The following DHRSX variants were observed in gnomAD, a reference collection of about 807,000 sequenced individuals.
The protein encoded by DHRSX is dehydrogenase/reductase X-linked.
A neutral mutation model predicts 34.0 loss-of-function variants in DHRSX; 31 were observed. The observed-to-expected ratio is 0.91, with a 90% CI of 0.69 to 1.23. The LOEUF is 1.23. Ranked by LOEUF, DHRSX falls within the 50% of genes most tolerant of loss-of-function variation. The probability of loss-of-function intolerance (pLI) is 0.00; values close to 1 mark genes in which losing one functional copy is unlikely to be tolerated. For missense variants in DHRSX, 414 were observed against 428.1 expected (o/e 0.97, Z 0.29); for synonymous variants, 201 against 183.8 (o/e 1.09, Z -0.76).
At chrX:2,335,127 G>T (rs891564960) in intron 3 of DHRSX, among the ~76,000 whole-genome samples, 1 of 151,056 alleles carries the variant, frequency 6.6e-6, no homozygotes, top group Non-Finnish European at 1.5e-5. Flanking sequence ...GGAGGTTGCA[G>T]TGAGCCGAGA....
intron 3 of DHRSX, among the ~76,000 whole-genome samples, chrX:2,397,795 C>G (rs1377104131): frequency 6.6e-6 from 1 of 152,164 alleles, no homozygotes; most frequent in African/African-American, 2.4e-5. Context: ...TGAAGTAGCG[C>G]ATTTGCAAAG....
At chrX:2,401,727 G>C (rs1319327824) in intron 3 of DHRSX, among the ~76,000 whole-genome samples, 1 of 152,042 alleles carries the variant, frequency 6.6e-6, no homozygotes, top group African/African-American at 2.4e-5. Context: ...GAGGAGTTTC[G>C]GTAAGTGAAT....
At chrX:2,442,766 C>T (rs1304407979) in intron 1 of DHRSX, among the ~76,000 whole-genome samples, 1 of 152,100 alleles carries the variant, frequency 6.6e-6, no homozygotes, top group Non-Finnish European at 1.5e-5. Context: ...TGTTAACTGC[C>T]ACGTAGAAGC....
At chrX:2,455,973 A>C (rs1320970011) in intron 1 of DHRSX, among the ~76,000 whole-genome samples, 1 of 152,062 alleles carries the variant, frequency 6.6e-6, no homozygotes, top group East Asian at 1.9e-4. Context: ...CCCGAGACTT[A>C]ATAAGACACC....
At chrX:2,274,932 G>C (rs1047136370) in intron 4 of DHRSX, among the ~76,000 whole-genome samples, 3 of 152,126 alleles carry the variant, frequency 2.0e-5, no homozygotes, top group African/African-American at 7.2e-5. Context: ...ATTGGTGCCA[G>C]GTAGAGAGAT....
chrX:2,376,602 A>G (rs1444635889), intron 3 of DHRSX, among the ~76,000 whole-genome samples: 1 of 137,706 alleles, frequency 7.3e-6, no homozygotes, highest in Non-Finnish European at 1.7e-5. Context: ...GTTGCACTAG[A>G]GTAGTGTCAT....
In DHRSX at chrX:2,462,325, TG is replaced by T. The variant is rs779784242; in HGVS notation, c.110-37022del. On this transcript the variant is annotated intron_variant, in intron 1 of 6. Transcript: ENST00000334651. The stretch of plus-strand genomic sequence containing the variant: ...CAAAAACAGTGTTGACGTTCATAAA[TG>T]TTTTTTTCTGAATTTCTCAACGGTT... Among the ~76,000 whole-genome samples, 384 of 151,434 alleles carry T rather than the reference TG, an allele frequency of 2.5e-3. 1 individual carries two copies. The highest frequency in any genetic ancestry group is 8.6e-3 in the African/African-American group (355 of 41,496).
In DHRSX at chrX:2,476,086, C is replaced by T. The variant is rs929188446; in HGVS notation, c.109+24731G>A. Among the ~76,000 whole-genome samples, 45 of 152,288 alleles carry T rather than the reference C, an allele frequency of 3.0e-4. No homozygotes were observed. In the Middle Eastern group the frequency reaches 0.017, roughly 58 times the overall value. On this transcript the variant is annotated intron_variant, in intron 1 of 6. Coordinates refer to ENST00000334651, the MANE Select transcript of DHRSX (RefSeq NM_145177.3). ...CAGAGCCACGGTGAGACCAGCACCT[C>T]TTATGGAAAGAAAACAGACAGCTGG...
At chrX:2,340,118 T>C (rs766120159) in intron 3 of DHRSX, among the ~76,000 whole-genome samples, 2 of 150,392 alleles carry the variant, frequency 1.3e-5, no homozygotes, top group African/African-American at 2.5e-5. Flanking sequence ...ATGTTCTCAC[T>C]CATAAGTGGG....
At chrX:2,357,537 G>A (rs776770012) in intron 3 of DHRSX, among the ~76,000 whole-genome samples, 1 of 152,010 alleles carries the variant, frequency 6.6e-6, no homozygotes, top group East Asian at 1.9e-4. Flanking sequence ...ATCTGCCAAT[G>A]GAAAAGCAAA....
At chrX:2,344,750 A>G (rs933508952) in intron 3 of DHRSX, among the ~76,000 whole-genome samples, 3 of 151,394 alleles carry the variant, frequency 2.0e-5, no homozygotes, top group Non-Finnish European at 4.4e-5. Context: ...GCATTAGGAG[A>G]AATACCTAAT....
chrX:2,328,229 C>T (rs2042412932), intron 3 of DHRSX, among the ~76,000 whole-genome samples: 1 of 151,294 alleles, frequency 6.6e-6, no homozygotes, highest in South Asian at 2.1e-4. Flanking sequence ...TTACAGCCTC[C>T]AGGATTGTGG....
intron 3 of DHRSX, among the ~76,000 whole-genome samples, chrX:2,338,523 G>C (rs1352381367): frequency 6.6e-6 from 1 of 151,826 alleles, no homozygotes; most frequent in East Asian, 1.9e-4. Context: ...AACGGACGAT[G>C]GATTCTTCCT....
intron 3 of DHRSX, among the ~76,000 whole-genome samples, chrX:2,405,913 A>AC (rs1479726558): frequency 4.1e-5 from 4 of 96,476 alleles, no homozygotes; most frequent in African/African-American, 1.2e-4. Flanking sequence ...TAAAAAAAAA[A>AC]AAAAAATAAG....
intron 1 of DHRSX, among the ~76,000 whole-genome samples, chrX:2,479,341 T>C (rs1228204621): frequency 6.8e-6 from 1 of 147,900 alleles, no homozygotes; most frequent in Non-Finnish European, 1.5e-5. Context: ...CCTAAGCTTG[T>C]GGCTAAGGGA....
chrX:2,316,568 A>G (rs1455842242), intron 3 of DHRSX, among the ~76,000 whole-genome samples: 5 of 151,990 alleles, frequency 3.3e-5, no homozygotes, highest in South Asian at 4.2e-4. Context: ...AACAACAATA[A>G]TAACAACAAA....
At chrX:2,247,868 C>G (rs1210285396) in intron 5 of DHRSX, among the ~76,000 whole-genome samples, 1 of 152,048 alleles carries the variant, frequency 6.6e-6, no homozygotes, top group Non-Finnish European at 1.5e-5. Flanking sequence ...GCCCCAAGGG[C>G]ACCACGGAAA....
intron 5 of DHRSX, among the ~76,000 whole-genome samples, chrX:2,249,399 C>T (rs1407468506): frequency 2.0e-5 from 3 of 148,796 alleles, no homozygotes; most frequent in Admixed American, 6.7e-5. Flanking sequence ...GGGGTTTCAC[C>T]GTGTTAGCCA....
intron 1 of DHRSX, among the ~76,000 whole-genome samples, chrX:2,483,560 T>C (rs887252729): frequency 2.6e-5 from 4 of 152,024 alleles, no homozygotes; most frequent in African/African-American, 9.7e-5. Context: ...TGAGAGCCAC[T>C]GCACCTGGCC....
Sources: gnomAD v4.1 joint callset for allele counts (sites outside exome capture counted in the v4.1 genomes callset) on GRCh38, gnomAD v4.1.1 for gene constraint, MANE v1.5 for transcripts, NCBI Gene and HGNC (gene_info 2026-07-23, HGNC 2026-07-21) for gene names.